The following SHISA9 variants were observed in gnomAD, a reference collection of about 807,000 sequenced individuals.
SHISA9 encodes shisa family member 9.
A neutral mutation model predicts 38.0 loss-of-function variants in SHISA9; 13 were observed. The observed-to-expected ratio is 0.34, with a 90% CI of 0.22 to 0.54. The LOEUF is 0.54. SHISA9 is among the 20% of genes least tolerant of loss of function. The probability of loss-of-function intolerance (pLI) is 0.91; values close to 1 mark genes in which losing one functional copy is unlikely to be tolerated. For missense variants in SHISA9, 538 were observed against 575.8 expected (o/e 0.93, Z 0.67); for synonymous variants, 275 against 242.0 (o/e 1.14, Z -1.27).
At chr16:13,369,809 C>T in the SHISA9 span, among the ~76,000 whole-genome samples, 9 of 152,052 alleles carry the variant, frequency 5.9e-5, no homozygotes, top group East Asian at 3.9e-4. Context: ...AGGGGCTAGC[C>T]GGGTCAGTGG....
the SHISA9 span, among the ~76,000 whole-genome samples, chr16:13,485,892 T>C: frequency 1.5e-3 from 234 of 152,344 alleles, no homozygotes; most frequent in African/African-American, 5.4e-3. Context: ...TCTGAGATGT[T>C]TATCTCTCTT....
chr16:13,514,093 CA>C, the SHISA9 span, among the ~76,000 whole-genome samples: 1 of 152,096 alleles, frequency 6.6e-6, no homozygotes, highest in Non-Finnish European at 1.5e-5. Flanking sequence ...CTCCTGGGTT[CA>C]AGTGATTCTC....
At chr16:13,039,485 GTT>G (rs5815735) in intron 2 of SHISA9, among the ~76,000 whole-genome samples, 75,653 of 126,560 alleles carry the variant, frequency 0.6, 21,506 homozygotes, top group Middle Eastern at 0.67. Flanking sequence ...ATGTCATGGG[GTT>G]TTTTTTTTTT....
the SHISA9 span, among the ~76,000 whole-genome samples, chr16:13,329,788 T>C: frequency 1.6e-3 from 240 of 152,300 alleles, 1 homozygote; most frequent in Non-Finnish European, 5.3e-4. Context: ...GATGGCTTAT[T>C]GTTGCGTCCG....
chr16:13,030,149 G>A (rs1007101651), intron 2 of SHISA9, among the ~76,000 whole-genome samples: 3 of 152,170 alleles, frequency 2.0e-5, no homozygotes, highest in African/African-American at 7.2e-5. Context: ...TCTATAGCCA[G>A]GTGTAGCAGG....
intron 2 of SHISA9, among the ~76,000 whole-genome samples, chr16:13,201,133 TG>T (rs2142052301): frequency 7.4e-6 from 1 of 135,130 alleles, no homozygotes; most frequent in African/African-American, 2.9e-5. Context: ...CTATAGCCCT[TG>T]GGTCAAACTT....
chr16:13,297,370 A>C, the SHISA9 span, among the ~76,000 whole-genome samples: 1 of 152,308 alleles, frequency 6.6e-6, no homozygotes, highest in Admixed American at 6.5e-5. Flanking sequence ...TAGGAAATTG[A>C]AACAAACTTA....
the SHISA9 span, among the ~76,000 whole-genome samples, chr16:13,265,596 C>A: frequency 7.0e-5 from 10 of 142,850 alleles, no homozygotes; most frequent in Admixed American, 1.4e-4. Flanking sequence ...CCTCCCCTCT[C>A]CTTCCCTTCC....
intron 2 of SHISA9, among the ~76,000 whole-genome samples, chr16:13,012,150 G>A (rs996407460): frequency 6.6e-6 from 1 of 151,886 alleles, no homozygotes. Context: ...ATTTTTTAAG[G>A]TTCCACATAT....
chr16:13,139,109 C>G (rs2050375092), intron 2 of SHISA9, among the ~76,000 whole-genome samples: 1 of 152,196 alleles, frequency 6.6e-6, no homozygotes, highest in South Asian at 2.1e-4. Flanking sequence ...ATCATCCTTT[C>G]TGACTGTTTT....
chr16:13,460,099 A>G, the SHISA9 span, among the ~76,000 whole-genome samples: 1 of 152,106 alleles, frequency 6.6e-6, no homozygotes, highest in Non-Finnish European at 1.5e-5. Context: ...TTATCCCTAA[A>G]CATATCCATT....
At chr16:13,293,303 T>C in the SHISA9 span, among the ~76,000 whole-genome samples, 2 of 152,096 alleles carry the variant, frequency 1.3e-5, no homozygotes, top group East Asian at 1.9e-4. Flanking sequence ...ACCACGTTGG[T>C]TTTTTAAGTG....
At chr16:13,420,281 T>G in the SHISA9 span, among the ~76,000 whole-genome samples, 1 of 124,226 alleles carries the variant, frequency 8.0e-6, no homozygotes, top group East Asian at 2.5e-4. Flanking sequence ...AAAGGTTTTT[T>G]GCTCAGCAGG....
At chr16:13,247,873 A>T in the SHISA9 span, among the ~76,000 whole-genome samples, 1 of 152,244 alleles carries the variant, frequency 6.6e-6, no homozygotes, top group Non-Finnish European at 1.5e-5. Flanking sequence ...TCAACATCCA[A>T]ATAGAACACT....
chr16:13,358,869 GACCAA>G, the SHISA9 span, among the ~76,000 whole-genome samples: 2 of 152,178 alleles, frequency 1.3e-5, no homozygotes, highest in Non-Finnish European at 2.9e-5. Context: ...GTGTTTTTAG[GACCAA>G]ATAGTGTTAG....
At chr16:13,191,259 G>T (rs1312630044) in intron 2 of SHISA9, among the ~76,000 whole-genome samples, 2 of 152,222 alleles carry the variant, frequency 1.3e-5, no homozygotes, top group African/African-American at 4.8e-5. Flanking sequence ...ACTAACTAGT[G>T]CAATTGGCCC....
At chr16:13,212,117 G>A (rs987158706) in intron 3 of SHISA9, among the ~76,000 whole-genome samples, 4 of 152,188 alleles carry the variant, frequency 2.6e-5, no homozygotes, top group Admixed American at 2.0e-4. Context: ...AAATGGGGCC[G>A]GATCTGTGCT....
chr16:12,939,161 G>A (rs2071575740), intron 2 of SHISA9, among the ~76,000 whole-genome samples: 1 of 152,024 alleles, frequency 6.6e-6, no homozygotes, highest in Admixed American at 6.6e-5. Context: ...TTGGCTCACT[G>A]CAGCTTCTGT....
chr16:13,145,492 A>T (rs573448390), intron 2 of SHISA9, among the ~76,000 whole-genome samples: 1 of 152,256 alleles, frequency 6.6e-6, no homozygotes, highest in East Asian at 1.9e-4. Context: ...GTGCCATTGC[A>T]CTCCAGCCTG....
Sources: allele counts gnomAD v4.1 joint callset (sites outside exome capture counted in the v4.1 genomes callset), GRCh38; gene constraint gnomAD v4.1.1; transcripts MANE v1.5; gene names NCBI Gene and HGNC (gene_info 2026-07-23, HGNC 2026-07-21).